MAST4: variants seen among roughly 807,000 people sequenced by gnomAD.
MAST4 encodes microtubule-associated serine/threonine-protein kinase 4.
A neutral mutation model predicts 162.7 loss-of-function variants in MAST4; 89 were observed. The observed-to-expected ratio is 0.55, with a 90% confidence interval of 0.46 to 0.65. The LOEUF (loss-of-function observed/expected upper bound fraction) is 0.65, where lower values mean the gene tolerates loss of function less well. MAST4 is among the 30% of genes least tolerant of loss of function. MAST4 has a pLI of 0.00. For synonymous variants in MAST4, 1,479 were observed against 1,361.1 expected (o/e 1.09, Z -1.91); for missense variants, 3,153 against 3,374.0 (o/e 0.93, Z 1.62).
At chr5:66,825,312 A>ACACACACACACACACACC in intron 3 of MAST4, among the ~76,000 whole-genome samples, 1 of 127,648 alleles carries the variant, frequency 7.8e-6, no homozygotes. Flanking sequence ...ACACACACAC[A>ACACACACACACACACACC]CAGGCCTAGT....
At chr5:66,832,269 G>GA (rs926033396) in intron 3 of MAST4, among the ~76,000 whole-genome samples, 4 of 152,026 alleles carry the variant, frequency 2.6e-5, no homozygotes, top group Non-Finnish European at 5.9e-5. Flanking sequence ...GCTAGAATGT[G>GA]AAAAAATGTT....
intron 1 of MAST4, among the ~76,000 whole-genome samples, chr5:66,624,890 G>A (rs1744323325): frequency 6.6e-6 from 1 of 152,162 alleles, no homozygotes; most frequent in Admixed American, 6.5e-5. Context: ...CATAAGACTT[G>A]CAATTGTAAA....
At chr5:66,675,511 T>C (rs1452669034) in intron 1 of MAST4, among the ~76,000 whole-genome samples, 1 of 151,152 alleles carries the variant, frequency 6.6e-6, no homozygotes, top group African/African-American at 2.5e-5. Flanking sequence ...ACAAGTCTCA[T>C]GTCTCAAGTC....
intron 1 of MAST4, among the ~76,000 whole-genome samples, chr5:66,708,810 G>A (rs1750309853): frequency 6.6e-6 from 1 of 152,114 alleles, no homozygotes. Context: ...TTGACCATAA[G>A]TGAATTTATT....
chr5:67,090,557 C>T (rs1763753497), intron 6 of MAST4, among the ~76,000 whole-genome samples: 1 of 146,608 alleles, frequency 6.8e-6, no homozygotes, highest in Non-Finnish European at 1.5e-5. Context: ...GCTTAGGCTG[C>T]CACAAAGCTT....
At chr5:66,597,609 G>T (rs1262418788) in intron 1 of MAST4, among the ~76,000 whole-genome samples, 1 of 152,176 alleles carries the variant, frequency 6.6e-6, no homozygotes, top group Non-Finnish European at 1.5e-5. Context: ...TGGCGCTGGC[G>T]TGCGCGCCTG....
intron 5 of MAST4, among the ~76,000 whole-genome samples, chr5:67,079,725 C>A (rs1398886218): frequency 6.6e-6 from 1 of 152,174 alleles, no homozygotes; most frequent in East Asian, 1.9e-4. Context: ...TTTCCTCTGC[C>A]TCAAAGCCTC....
intron 1 of MAST4, among the ~76,000 whole-genome samples, chr5:66,726,331 T>G (rs1301348439): frequency 2.0e-5 from 3 of 152,010 alleles, no homozygotes; most frequent in African/African-American, 7.2e-5. Context: ...CAAAGTAGAT[T>G]CACTTAACCA....
chr5:66,900,525 G>A (rs1270178067), intron 4 of MAST4, among the ~76,000 whole-genome samples: 1 of 151,866 alleles, frequency 6.6e-6, no homozygotes, highest in Non-Finnish European at 1.5e-5. Context: ...TTATTTTTAA[G>A]GCCAATAATA....
At chr5:67,060,354 A>G (rs1759406558) in intron 5 of MAST4, among the ~76,000 whole-genome samples, 1 of 152,196 alleles carries the variant, frequency 6.6e-6, no homozygotes, top group Non-Finnish European at 1.5e-5. Flanking sequence ...ATAGTCTGGC[A>G]ATAAGGTGGA....
At position 66,850,797 on chromosome 5, in the gene MAST4, T is replaced by A. The variant is rs531426172; in HGVS notation, c.643-49154T>A. On this transcript the variant is annotated intron_variant, in intron 3 of 28. Transcript: ENST00000403625. Reference sequence around the variant, plus strand: ...GATTACTTAACCTGTATACTTTTTTTAAAAAAAGGAACTGGTTCTTGCCTA... The same window carrying A: ...GATTACTTAACCTGTATACTTTTTTAAAAAAAAGGAACTGGTTCTTGCCTA... Among the ~76,000 whole-genome samples, 47 of 152,180 alleles carry A rather than the reference T, an allele frequency of 3.1e-4. No homozygotes were observed. In the South Asian group the frequency reaches 6.9e-3, roughly 22 times the overall value.
In MAST4 at chr5:66,881,732, A is replaced by G. The variant is rs141592476; in HGVS notation, c.643-18219A>G. 1.3e-3 allele frequency among the ~76,000 whole-genome samples: 191 copies of G among 152,306 alleles called. 3 individuals carry two copies. The highest frequency in any genetic ancestry group is 9.1e-3 in the Admixed American group (139 of 15,308). On this transcript the variant is annotated intron_variant, in intron 3 of 28. Transcript: ENST00000403625. ...ATTTAAAGGTGAAAAGATCACAGACAAGGTTAAGTACAAGTTACTCAATTT... is the reference window on the plus strand; with the variant it reads ...ATTTAAAGGTGAAAAGATCACAGACGAGGTTAAGTACAAGTTACTCAATTT...
chr5:66,750,588 C>G lies in MAST4; in HGVS notation c.364-9121C>G, dbSNP rs183786418. The stretch of plus-strand genomic sequence containing the variant: ...CACCCGAATACTGCGCTTTTCCGAC[C>G]GGCTTAAAAAACGGCGCACCAGGAG... On this transcript the variant is annotated intron_variant, in intron 1 of 28. Transcript: ENST00000403625. 2.9e-4 allele frequency among the ~76,000 whole-genome samples: 44 copies of G among 152,306 alleles called. 1 individual carries two copies. In the East Asian group the frequency reaches 6.0e-3, roughly 21 times the overall value.
chr5:66,759,341 T>C (rs907230832), intron 1 of MAST4, among the ~76,000 whole-genome samples: 1 of 152,192 alleles, frequency 6.6e-6, no homozygotes, highest in Non-Finnish European at 1.5e-5. Context: ...CATACACGTA[T>C]AACTGAATAA....
chr5:66,807,296 A>G (rs901279120), intron 3 of MAST4, among the ~76,000 whole-genome samples: 147 of 152,238 alleles, frequency 9.7e-4, no homozygotes, highest in African/African-American at 3.5e-3. Flanking sequence ...GGAGATCGAG[A>G]CCATCCTGGC....
At chr5:66,729,347 G>T (rs1361287231) in intron 1 of MAST4, among the ~76,000 whole-genome samples, 1 of 152,168 alleles carries the variant, frequency 6.6e-6, no homozygotes, top group Admixed American at 6.5e-5. Context: ...CATTACAAAT[G>T]AAATATCTGA....
chr5:66,628,155 C>G (rs958655062), intron 1 of MAST4, among the ~76,000 whole-genome samples: 1 of 152,032 alleles, frequency 6.6e-6, no homozygotes, highest in Non-Finnish European at 1.5e-5. Flanking sequence ...ACTCTAGCCT[C>G]CCGAGCAGCT....
In MAST4 at chr5:66,858,303, C is replaced by CT. The variant is rs200921573; in HGVS notation, c.643-41639dup. On this transcript the variant is annotated intron_variant, in intron 3 of 28. Coordinates refer to ENST00000403625, the MANE Select transcript of MAST4 (RefSeq NM_001164664.2). ...TACAGGTGTGAGCTACCACACCCAGCTTTTTTTTTCTAAAATTTTAAAGTT... is the reference window on the plus strand; with the variant it reads ...TACAGGTGTGAGCTACCACACCCAGCTTTTTTTTTTCTAAAATTTTAAAGTT... Among the ~76,000 whole-genome samples, 1,019 of 151,382 alleles carry CT rather than the reference C, an allele frequency of 6.7e-3. 38 individuals carry two copies. Among genetic ancestry groups the CT allele is most frequent in the Admixed American group, 0.059 (897 of 15,178 alleles).
At chr5:67,108,291 G>C (rs1182796841) in intron 10 of MAST4, among the ~76,000 whole-genome samples, 1 of 152,156 alleles carries the variant, frequency 6.6e-6, no homozygotes, top group African/African-American at 2.4e-5. Flanking sequence ...AACCAAAAAT[G>C]ATTATAGTAA....
Sources: gnomAD v4.1 joint callset for allele counts (sites outside exome capture counted in the v4.1 genomes callset) on GRCh38, gnomAD v4.1.1 for gene constraint, MANE v1.5 for transcripts, NCBI Gene and HGNC (gene_info 2026-07-23, HGNC 2026-07-21) for gene names.